Variants in RTTN observed in about 807,000 individuals in gnomAD.
RTTN encodes rotatin.
In RTTN, 182 loss-of-function variants were observed where a neutral mutation model predicts 269.2. The ratio of observed to expected loss-of-function variants is 0.68; its 90% CI spans 0.60 to 0.76. The LOEUF is 0.76. RTTN is among the 30% of genes least tolerant of loss of function. The probability of loss-of-function intolerance (pLI) is 0.00; values close to 1 mark genes in which losing one functional copy is unlikely to be tolerated. For missense variants in RTTN, 2,545 were observed against 2,608.6 expected (o/e 0.98, Z 0.53); for synonymous variants, 1,006 against 963.5 (o/e 1.04, Z -0.82).
At position 70,091,224 on chromosome 18, in the gene RTTN, C is replaced by T. The variant is rs188325551; in HGVS notation, c.4143+886G>A. ...GTTGAGGGAGAATAAAAGCATTTTGCATGGAAGAAGAACATGAAGTTCAGG... is the reference window on the plus strand; with the variant it reads ...GTTGAGGGAGAATAAAAGCATTTTGTATGGAAGAAGAACATGAAGTTCAGG... On this transcript the variant is annotated intron_variant, in intron 30 of 48. Coordinates refer to ENST00000640769, the MANE Select transcript of RTTN (RefSeq NM_173630.4). Among the ~76,000 whole-genome samples the T allele has an allele frequency of 1.1e-3, 163 of 152,120 alleles. 2 individuals carry two copies. The highest frequency in any genetic ancestry group is 0.01 in the South Asian group (50 of 4,816).
chr18:70,153,137 G>A (rs971817104), intron 14 of RTTN, among the ~76,000 whole-genome samples: 5 of 151,798 alleles, frequency 3.3e-5, no homozygotes, highest in African/African-American at 4.8e-5. Flanking sequence ...TTTAGTCCAC[G>A]TTACTAGTCA....
At chr18:70,009,018 G>T (rs578002502) in intron 46 of RTTN, 1 of 152,330 alleles carries the variant, frequency 6.6e-6, no homozygotes, top group South Asian at 2.1e-4. Flanking sequence ...AGAGAGAAAG[G>T]TCGGGTTACC....
At chr18:70,173,134 A>G (rs558890992) in intron 11 of RTTN, among the ~76,000 whole-genome samples, 1 of 152,310 alleles carries the variant, frequency 6.6e-6, no homozygotes, top group Non-Finnish European at 1.5e-5. Context: ...CTATATTTAA[A>G]ATGCAGTGTT....
At position 70,139,936 on chromosome 18, in the gene RTTN, T is replaced by C. The variant is rs1156877256; in HGVS notation, c.2670+164A>G. 26 of 644,776 alleles carry C rather than the reference T, an allele frequency of 4.0e-5. No homozygotes were observed. The East Asian group carries it at 5.3e-4, about 13-fold the overall frequency. 39.9% of individuals were successfully genotyped at this position (644,776 alleles called of 1,614,324 possible). On this transcript the variant is annotated intron_variant, in intron 20 of 48. Transcript: ENST00000640769. The stretch of plus-strand genomic sequence containing the variant: ...AAATTTTAGGATTAGTTTTCCTTTA[T>C]AGAGACTCCACTTTTCGAATTTAAA...
At chr18:70,095,154 T>C (rs1369740761) in intron 28 of RTTN, among the ~76,000 whole-genome samples, 1 of 150,432 alleles carries the variant, frequency 6.6e-6, no homozygotes, top group Non-Finnish European at 1.5e-5. Context: ...ATTTGCTTGG[T>C]AAATCATCCT....
In RTTN at chr18:70,005,268, C is replaced by G. The variant is rs1479651812; in HGVS notation, c.6526-1G>C. The G allele has an allele frequency of 1.2e-6, 2 of 1,610,508 alleles. No homozygotes were observed. Among genetic ancestry groups the G allele is most frequent in the African/African-American group, 2.7e-5 (2 of 74,824 alleles). On this transcript the variant is annotated splice_acceptor_variant, in intron 47 of 48. Transcript: ENST00000640769. LOFTEE classifies it high-confidence loss of function. The stretch of plus-strand genomic sequence containing the variant: ...ATGGGCTTTTCAAAGCTGTTTTTGC[C>G]TAGAACAATCCATTAATTAGGTTTC...
intron 28 of RTTN, among the ~76,000 whole-genome samples, chr18:70,105,925 TATTA>T (rs1334098674): frequency 1.3e-5 from 2 of 152,210 alleles, no homozygotes; most frequent in East Asian, 1.9e-4. Context: ...GTAGCACATA[TATTA>T]ATTAACTGAT....
At chr18:70,102,312 T>TC (rs765626555) in intron 28 of RTTN, among the ~76,000 whole-genome samples, 120 of 152,362 alleles carry the variant, frequency 7.9e-4, no homozygotes, top group Non-Finnish European at 1.5e-3. Context: ...CTTGAACTGA[T>TC]CCCTTTACCA....
intron 35 of RTTN, among the ~76,000 whole-genome samples, chr18:70,065,263 T>A (rs1364269260): frequency 3.4e-5 from 3 of 88,696 alleles, no homozygotes; most frequent in Admixed American, 1.8e-4. Context: ...ATATACTCTC[T>A]AGAATTTAAA....
chr18:70,065,155 C>A (rs1568322196), intron 35 of RTTN, among the ~76,000 whole-genome samples: 1 of 151,400 alleles, frequency 6.6e-6, no homozygotes, highest in Non-Finnish European at 1.5e-5. Context: ...AGTATTTTTT[C>A]TGCATATACT....
At chr18:70,202,636 T>C (rs909257577) in intron 3 of RTTN, among the ~76,000 whole-genome samples, 1 of 152,228 alleles carries the variant, frequency 6.6e-6, no homozygotes, top group African/African-American at 2.4e-5. Flanking sequence ...TCTTCGAAAC[T>C]GTAAAATATA....
At chr18:70,141,006 C>T (rs1399605980) in intron 19 of RTTN, among the ~76,000 whole-genome samples, 4 of 152,070 alleles carry the variant, frequency 2.6e-5, no homozygotes, top group African/African-American at 9.7e-5. Flanking sequence ...CCATTGCCCC[C>T]CAATATAGTG....
intron 15 of RTTN, 96 bp from the exon 16 acceptor site, chr18:70,150,183 C>T: frequency 4.3e-6 from 3 of 696,864 alleles, no homozygotes; most frequent in Middle Eastern, 2.5e-4. Flanking sequence ...TGGAAAGATG[C>T]TATAATTAAC....
At chr18:70,097,487 C>T (rs1026989100) in intron 28 of RTTN, among the ~76,000 whole-genome samples, 2 of 152,150 alleles carry the variant, frequency 1.3e-5, no homozygotes, top group South Asian at 2.1e-4. Flanking sequence ...AAATGTTACC[C>T]TGCTACAATT....
intron 37 of RTTN, among the ~76,000 whole-genome samples, chr18:70,054,502 T>A (rs2057761637): frequency 6.6e-6 from 1 of 152,186 alleles, no homozygotes; most frequent in African/African-American, 2.4e-5. Context: ...AACAAAGCAA[T>A]GTTTTCAAAG....
chr18:70,149,828 T>C, intron 16 of RTTN, 143 bp downstream of exon 16: 2 of 662,118 alleles, frequency 3.0e-6, no homozygotes, highest in East Asian at 2.9e-5. Context: ...AGCCACCCAC[T>C]TCCTGTTCAC....
chr18:70,195,027 A>G (rs1600054873), intron 7 of RTTN, among the ~76,000 whole-genome samples: 2 of 152,244 alleles, frequency 1.3e-5, no homozygotes, highest in African/African-American at 4.8e-5. Flanking sequence ...GGGGAAAAAA[A>G]ACTCTCCAAG....
chr18:70,080,319 A>C (rs757825158), intron 32 of RTTN, among the ~76,000 whole-genome samples: 76 of 152,140 alleles, frequency 5.0e-4, no homozygotes, highest in Non-Finnish European at 7.9e-4. Flanking sequence ...CCATGAAAAG[A>C]AATCAGAGCC....
In RTTN at chr18:70,063,965, C is replaced by CTTTTTT. The variant is rs35413593; in HGVS notation, c.4747+1858_4747+1863dup. Reference sequence around the variant, plus strand: ...CTGTGGGTATTCTTTCTTTTATATGCTTTTTTTTTTTTTTTTGGTCATATA... The same window carrying CTTTTTT: ...CTGTGGGTATTCTTTCTTTTATATGCTTTTTTTTTTTTTTTTTTTTTTGGTCATATA... On this transcript the variant is annotated intron_variant, in intron 35 of 48. Coordinates refer to ENST00000640769, the MANE Select transcript of RTTN (RefSeq NM_173630.4). Among the ~76,000 whole-genome samples, 238 of 131,158 alleles carry CTTTTTT rather than the reference C, an allele frequency of 1.8e-3. 5 individuals are homozygous for CTTTTTT. Among genetic ancestry groups the CTTTTTT allele is most frequent in the African/African-American group, 5.8e-3 (200 of 34,658 alleles). The allele number at this position is 131,158 out of a possible 152,430, so 86.0% of individuals were successfully genotyped here.
Sources: allele counts gnomAD v4.1 joint callset (sites outside exome capture counted in the v4.1 genomes callset), GRCh38; gene constraint gnomAD v4.1.1; transcripts MANE v1.5; gene names NCBI Gene and HGNC (gene_info 2026-07-23, HGNC 2026-07-21).